ICE1: variants seen among roughly 807,000 people sequenced by gnomAD.
The protein encoded by ICE1 is interactor of little elongation complex ELL subunit 1.
A neutral mutation model predicts 192.7 loss-of-function variants in ICE1; 64 were observed. The observed-to-expected ratio is 0.33, with a 90% CI of 0.27 to 0.41. ICE1 has a LOEUF of 0.41. ICE1 is among the 10% of genes least tolerant of loss of function. The pLI is 1.00. For synonymous variants in ICE1, 1,010 were observed against 984.5 expected (o/e 1.03, Z -0.49); for missense variants, 2,708 against 2,696.0 (o/e 1.00, Z -0.10).
At chr5:5,443,376 A>G in intron 6 of ICE1, 132 bp downstream of exon 6, 1 of 535,610 alleles carries the variant, frequency 1.9e-6, no homozygotes, top group Non-Finnish European at 3.2e-6. Flanking sequence ...GTCTTGAACT[A>G]GTTAGTCTCT....
intron 17 of ICE1, among the ~76,000 whole-genome samples, chr5:5,478,890 G>A (rs1230249900): frequency 6.6e-6 from 1 of 152,134 alleles, no homozygotes; most frequent in African/African-American, 2.4e-5. Flanking sequence ...AAACTGGCTA[G>A]CCGTATGCAT....
intron 12 of ICE1, among the ~76,000 whole-genome samples, chr5:5,458,834 A>G (rs1376640007): frequency 1.3e-5 from 2 of 152,194 alleles, no homozygotes; most frequent in Admixed American, 6.5e-5. Context: ...AGACAAGACC[A>G]CAGGCAGGGT....
rs1263382020 is a variant in ICE1, at chr5:5,441,323, A to G, written c.309+100A>G. 10 of 717,384 alleles carry G rather than the reference A, an allele frequency of 1.4e-5. No homozygotes were observed. The Admixed American group carries it at 2.6e-4, about 19-fold the overall frequency. 44.4% of individuals were successfully genotyped at this position (717,384 alleles called of 1,614,324 possible). On this transcript the variant is annotated intron_variant, in intron 5 of 18. Coordinates refer to ENST00000296564, the MANE Select transcript of ICE1 (RefSeq NM_015325.3). ...GGGGGCTTTTGATGTGTTAAAGGAA[A>G]TAAAGGCTAGTCAAGACTCTCAGTG...
chr5:5,445,809 T>C (rs1008192339), intron 7 of ICE1, among the ~76,000 whole-genome samples: 5 of 151,802 alleles, frequency 3.3e-5, no homozygotes, highest in African/African-American at 1.2e-4. Flanking sequence ...CTCGGCTCTC[T>C]ACAACCTCTG....
intron 14 of ICE1, 76 bp from the exon 15 acceptor site, chr5:5,468,752 A>G: frequency 1.1e-6 from 1 of 905,794 alleles, no homozygotes; most frequent in Admixed American, 3.5e-5. Context: ...TGAAATTAAT[A>G]CAATTTGTTC....
At chr5:5,485,213 CAG>C (rs2111407753) in intron 17 of ICE1, among the ~76,000 whole-genome samples, 1 of 152,164 alleles carries the variant, frequency 6.6e-6, no homozygotes, top group Admixed American at 6.5e-5. Flanking sequence ...ATTAAAAACT[CAG>C]AAATTGTTTA....
In ICE1 at chr5:5,447,736, T is replaced by C; in HGVS notation, c.523T>C (p.Phe175Leu). The change falls in exon 9 of 19, where the codon TTT becomes CTT. Residue 175 changes from phenylalanine to leucine, a missense_variant. Transcript: ENST00000296564. ...FKKTQERLDEFSKQKNEKELR... is the reference protein window; with the variant it reads ...FKKTQERLDELSKQKNEKELR... ...GTTTTCACAGGAAAGGCTTGACGAA[T>C]TTTCTAAACAGAAAAATGAAAAGGG... is the stretch of plus-strand genomic sequence containing the variant. 1 of 1,584,588 alleles carries C rather than the reference T, an allele frequency of 6.3e-7. No individual in the cohort carries two copies. The highest frequency in any genetic ancestry group is 8.6e-7 in the Non-Finnish European group (1 of 1,163,286).
intron 17 of ICE1, among the ~76,000 whole-genome samples, chr5:5,481,186 TAGAAG>T (rs982386972): frequency 4.6e-5 from 7 of 152,214 alleles, no homozygotes; most frequent in South Asian, 2.1e-4. Flanking sequence ...TAAAAAAAAT[TAGAAG>T]AGATGTTTTA....
intron 17 of ICE1, among the ~76,000 whole-genome samples, chr5:5,484,955 A>G (rs922312521): frequency 5.3e-5 from 8 of 152,254 alleles, no homozygotes; most frequent in Middle Eastern, 3.4e-3. Context: ...GCCTGGATGG[A>G]GGGAACAGGA....
intron 17 of ICE1, among the ~76,000 whole-genome samples, chr5:5,485,219 T>A (rs1046962929): frequency 6.6e-6 from 1 of 152,174 alleles, no homozygotes; most frequent in Non-Finnish European, 1.5e-5. Flanking sequence ...AACTCAGAAA[T>A]TGTTTATTTA....
chr5:5,483,589 C>T (rs1365035398), intron 17 of ICE1, among the ~76,000 whole-genome samples: 3 of 152,132 alleles, frequency 2.0e-5, no homozygotes, highest in Admixed American at 2.0e-4. Context: ...AGAGCTGAAG[C>T]CTAGAAAGAT....
At chr5:5,466,731 G>T (rs140489863) in intron 14 of ICE1, among the ~76,000 whole-genome samples, 2 of 152,276 alleles carry the variant, frequency 1.3e-5, no homozygotes, top group African/African-American at 4.8e-5. Context: ...TCATTACTGT[G>T]TATTTGTTCT....
At position 5,457,736 on chromosome 5, in the gene ICE1, G is replaced by T. The variant is rs548839388; in HGVS notation, c.1096G>T (p.Ala366Ser). Residue 366 changes from alanine (A) to serine (S), a missense_variant, in exon 12 of 19, where the codon GCA becomes TCA. This residue lies in a region of ICE1 where 2,366 missense variants were observed against 2,276.6 expected (regional missense o/e 1.04). Transcript: ENST00000296564. ...PHPGSLPSSF[A>S]PETYFGEYTD... Reference sequence around the variant, plus strand: ...CCCGGGTTCCTTACCGTCTTCATTTGCACCTGTGAGTTTTGCTCTCTGAAT... The same window carrying T: ...CCCGGGTTCCTTACCGTCTTCATTTTCACCTGTGAGTTTTGCTCTCTGAAT... 3.3e-5 allele frequency: 53 copies of T among 1,609,258 alleles called. No individual in the cohort carries two copies. Among genetic ancestry groups the T allele is most frequent in the Non-Finnish European group, 4.2e-5 (49 of 1,176,574 alleles).
rs1301280716 is a variant in ICE1 at position 5,439,932 on chromosome 5, T to A, written c.197+19T>A. On this transcript the variant is annotated intron_variant, in intron 4 of 18. Transcript: ENST00000296564. ...CAAGAAGGTGAGCCAACCTGTTTCA[T>A]AGTTTATGATACCACCTATATGAGT... The A allele has an allele frequency of 5.2e-6, 8 of 1,528,510 alleles. No homozygotes were observed. Among genetic ancestry groups the A allele is most frequent in the Non-Finnish European group, 6.2e-6 (7 of 1,129,226 alleles). 94.7% of individuals were successfully genotyped at this position (1,528,510 alleles called of 1,614,324 possible).
Position 5,462,407 on chromosome 5 carries a change from G to T in ICE1, c.3073G>T (p.Gly1025Trp). 1 of 1,614,048 alleles carries T rather than the reference G, an allele frequency of 6.2e-7. No individual in the cohort carries two copies. Among genetic ancestry groups the T allele is most frequent in the Non-Finnish European group, 8.5e-7 (1 of 1,179,892 alleles). The change falls in exon 13 of 19, where the codon GGG (glycine) becomes TGG (tryptophan). Residue 1025 changes from glycine (G) to tryptophan (W), a missense_variant. Physicochemically the swap from Gly to Trp is radical, Grantham distance 184. This residue lies in a region of ICE1 where 2,366 missense variants were observed against 2,276.6 expected (regional missense o/e 1.04). Coordinates refer to ENST00000296564, the MANE Select transcript of ICE1 (RefSeq NM_015325.3). The part of the protein sequence containing the change: ...SVEETSCGDT[G>W]RSGGEALAVA... ...TGAAGAAACCAGCTGTGGAGACACA[G>T]GGAGATCTGGTGGTGAGGCCCTGGC...
chr5:5,438,816 A>G (rs533600697), intron 3 of ICE1, among the ~76,000 whole-genome samples: 1 of 152,344 alleles, frequency 6.6e-6, no homozygotes, highest in South Asian at 2.1e-4. Flanking sequence ...TCAGAAGTTC[A>G]TTCTGTAATA....
At chr5:5,457,044 C>T (rs80355906) in intron 11 of ICE1, among the ~76,000 whole-genome samples, 7,626 of 152,154 alleles carry the variant, frequency 0.05, 642 homozygotes, top group East Asian at 0.35. Context: ...CAGCAAGGCC[C>T]GTTTTCATGG....
intron 13 of ICE1, 38 bp from the exon 14 acceptor site, chr5:5,466,296 G>A (rs375342266): frequency 4.6e-6 from 7 of 1,530,924 alleles, no homozygotes; most frequent in Non-Finnish European, 6.2e-6. Context: ...AGATAAGTAT[G>A]AGTGTACATT....
Position 5,463,606 on chromosome 5 carries a change from G to T in ICE1, c.4272G>T (p.Trp1424Cys), listed in dbSNP as rs1214567001. The T allele has an allele frequency of 1.2e-6, 2 of 1,613,984 alleles. No homozygotes were observed. The highest frequency in any genetic ancestry group is 3.3e-5 in the Admixed American group (2 of 60,014). The change falls in exon 13 of 19, where the codon TGG (tryptophan) becomes TGT (cysteine). Residue 1424 changes from tryptophan (W) to cysteine (C), a missense_variant. Around this residue, in one of 2 missense-constraint regions of ICE1, gnomAD observed 2,366 missense variants for 2,276.6 expected, o/e 1.04. Coordinates refer to ENST00000296564, the MANE Select transcript of ICE1 (RefSeq NM_015325.3). ...TAGTCATTGAAAAGGGGGACAACTG[G>T]ACAATCATCAGTGGTGTAGCTGTCT... ...QNLVIEKGDNWTIISGVAVLP... is the reference protein window; with the variant it reads ...QNLVIEKGDNCTIISGVAVLP...
Sources: allele counts gnomAD v4.1 joint callset (sites outside exome capture counted in the v4.1 genomes callset), GRCh38; gene constraint gnomAD v4.1.1; regional missense constraint gnomAD v4.1.1; transcripts MANE v1.5; gene names NCBI Gene and HGNC (gene_info 2026-07-23, HGNC 2026-07-21).